Variants in NFATC2 observed in about 807,000 individuals in gnomAD.
NFATC2 encodes the protein nuclear factor of activated T cells 2, also known as nuclear factor of activated T-cells, cytoplasmic 2.
Under a neutral mutation model 87.3 loss-of-function variants are expected in NFATC2, and 22 were observed. That is an observed-to-expected ratio of 0.25 (90% CI 0.18 to 0.36). The LOEUF is 0.36. Among genes scored for constraint, NFATC2 ranks in the 10% least tolerant of loss-of-function variants. The pLI, the probability that NFATC2 is intolerant of heterozygous loss-of-function variation, is 1.00. For synonymous variants in NFATC2, 565 were observed against 542.2 expected (o/e 1.04, Z -0.58); for missense variants, 1,149 against 1,259.1 (o/e 0.91, Z 1.32).
rs145260855 is a variant in NFATC2, at chr20:51,530,331, T to C, written c.131-6221A>G. On this transcript the variant is annotated intron_variant, in intron 1 of 10. Coordinates refer to ENST00000371564, the MANE Select transcript of NFATC2 (RefSeq NM_012340.5). ...ACAGGTGACCACTACCATGCCCGGC[T>C]AATTTTTTTGTGTTTTCAGTAGAGA... 2.6e-5 allele frequency among the ~76,000 whole-genome samples: 4 copies of C among 152,174 alleles called. No individual in the cohort carries two copies. The East Asian group carries it at 7.7e-4, about 29-fold the overall frequency.
intron 3 of NFATC2, among the ~76,000 whole-genome samples, chr20:51,497,874 G>A (rs1343048671): frequency 6.6e-6 from 1 of 152,092 alleles, no homozygotes; most frequent in Non-Finnish European, 1.5e-5. Context: ...TTAGATACAC[G>A]CAAAGCTGCA....
intron 1 of NFATC2, among the ~76,000 whole-genome samples, chr20:51,537,448 C>A (rs956234534): frequency 6.6e-6 from 1 of 152,126 alleles, no homozygotes; most frequent in East Asian, 1.9e-4. Context: ...TCAGAAGGAA[C>A]CAGTTTTCCT....
At chr20:51,542,318 G>A (rs1373966318) in intron 1 of NFATC2, 52 bp downstream of exon 1, 2 of 1,575,808 alleles carry the variant, frequency 1.3e-6, no homozygotes, top group African/African-American at 1.4e-5. Flanking sequence ...CAGTCCCCAG[G>A]CCTGAGCCCC....
chr20:51,526,517 C>T (rs1385006019), intron 1 of NFATC2, among the ~76,000 whole-genome samples: 1 of 152,176 alleles, frequency 6.6e-6, no homozygotes, highest in African/African-American at 2.4e-5. Flanking sequence ...CAAGCACCTA[C>T]CACAGGGCCT....
intron 6 of NFATC2, among the ~76,000 whole-genome samples, chr20:51,441,042 G>A (rs950777997): frequency 6.6e-6 from 1 of 152,156 alleles, no homozygotes; most frequent in South Asian, 2.1e-4. Flanking sequence ...CAGCACTTTG[G>A]GAGGCCGAGG....
At chr20:51,454,776 C>A in intron 5 of NFATC2, 88 bp from the exon 6 acceptor site, 3 of 1,430,536 alleles carry the variant, frequency 2.1e-6, no homozygotes, top group Admixed American at 1.9e-5. Context: ...TGAGATATGA[C>A]ATGCTCTGCC....
rs1237864788 is a variant in NFATC2, at chr20:51,475,636, G to A, written c.1357C>T (p.Pro453Ser). Reference protein sequence around the residue: ...VQLHGYMENKPLGLQIFIGTA... With the variant: ...VQLHGYMENKSLGLQIFIGTA... The stretch of plus-strand genomic sequence containing the variant: ...CCAATGAAGATCTGAAGTCCCAGAG[G>A]CTTGTTTTCCATGTAGCCATGGAGC... The change falls in exon 4 of 11, where the codon CCT (proline) becomes TCT (serine). Residue 453 changes from proline to serine, a missense_variant. Around this residue, in one of 3 missense-constraint regions of NFATC2, gnomAD observed 581 missense variants for 649.7 expected, o/e 0.89. Transcript: ENST00000371564. 6.2e-7 allele frequency: 1 copy of A among 1,613,986 alleles called. No individual in the cohort carries two copies.
chr20:51,474,746 GT>G (rs1172464100), intron 4 of NFATC2, among the ~76,000 whole-genome samples: 2 of 152,112 alleles, frequency 1.3e-5, no homozygotes, highest in South Asian at 2.1e-4. Context: ...CCATCCAAAG[GT>G]TTTTTTAACC....
intron 1 of NFATC2, among the ~76,000 whole-genome samples, chr20:51,540,647 G>GTTTTTTTTTTTTTT (rs375172598): frequency 0.011 from 1,213 of 112,830 alleles, 292 homozygotes; most frequent in African/African-American, 0.048. Flanking sequence ...AAAAACTGAA[G>GTTTTTTTTTTTTTT]TTTTTTTTTT....
chr20:51,504,715 C>A (rs1012707461), intron 3 of NFATC2, among the ~76,000 whole-genome samples: 1 of 152,152 alleles, frequency 6.6e-6, no homozygotes, highest in Non-Finnish European at 1.5e-5. Flanking sequence ...TCCTGTGTAA[C>A]CTTAGACAAG....
intron 1 of NFATC2, among the ~76,000 whole-genome samples, chr20:51,531,571 G>A (rs1015412201): frequency 6.6e-6 from 1 of 152,138 alleles, no homozygotes; most frequent in Non-Finnish European, 1.5e-5. Flanking sequence ...GTCAACAGAG[G>A]GTAGCACGGG....
At position 51,432,481 on chromosome 20, in the gene NFATC2, G is replaced by C. The variant is rs1281446448; in HGVS notation, c.2308C>G (p.Leu770Val). Residue 770 changes from leucine to valine, a missense_variant, in exon 9 of 11, where the codon CTC becomes GTC. Physicochemically the swap from Leu to Val is conservative, Grantham distance 32. Coordinates refer to ENST00000371564, the MANE Select transcript of NFATC2 (RefSeq NM_012340.5). This position sits in a 1 kb window ranked among gnomAD's most constrained non-coding sequence, Gnocchi z 4.6. ...PSLLGYQQPA[L>V]MAAPLSLADA... is the part of the protein sequence containing the mutation. ...GCAAGGGACAGCGGGGCGGCCATGA[G>C]GGCCGGCTGCTGATAGCCCAGCAGG... The C allele has an allele frequency of 6.4e-7, 1 of 1,554,004 alleles. No individual in the cohort carries two copies. The highest frequency in any genetic ancestry group is 1.9e-5 in the Admixed American group (1 of 52,704).
At chr20:51,543,555 G>A (rs188504432), upstream of NFATC2, among the ~76,000 whole-genome samples, 593 of 152,300 alleles carry the variant, frequency 3.9e-3, 5 homozygotes, top group African/African-American at 0.014. Flanking sequence ...AGCTCGAAGG[G>A]GCTGGGTGTG....
chr20:51,495,926 G>A (rs897194496), intron 3 of NFATC2, among the ~76,000 whole-genome samples: 3 of 152,206 alleles, frequency 2.0e-5, no homozygotes, highest in African/African-American at 7.2e-5. Context: ...GGAAGGTAAG[G>A]CCAGCTTTAC....
intron 3 of NFATC2, among the ~76,000 whole-genome samples, chr20:51,515,565 G>A (rs1315499974): frequency 2.0e-5 from 3 of 152,080 alleles, no homozygotes; most frequent in Non-Finnish European, 2.9e-5. Flanking sequence ...ATATCATCAC[G>A]ATGTCAGAAT....
At chr20:51,476,525 C>A (rs190661855) in intron 3 of NFATC2, among the ~76,000 whole-genome samples, 1 of 152,244 alleles carries the variant, frequency 6.6e-6, no homozygotes, top group African/African-American at 2.4e-5. Flanking sequence ...ATGGCTTTCC[C>A]TATCTCTCTC....
At chr20:51,485,532 AT>A (rs35854188) in intron 3 of NFATC2, among the ~76,000 whole-genome samples, 401 of 148,316 alleles carry the variant, frequency 2.7e-3, no homozygotes, top group African/African-American at 8.4e-3. Flanking sequence ...TTTCTTGTTG[AT>A]TTTTTTTTTT....
At chr20:51,437,957 T>G (rs950328684) in intron 6 of NFATC2, among the ~76,000 whole-genome samples, 72 of 152,316 alleles carry the variant, frequency 4.7e-4, no homozygotes, top group Non-Finnish European at 8.8e-5. Flanking sequence ...GCCCCCTTGA[T>G]GAGGGCAGAA....
Position 51,390,420 on chromosome 20 carries a change from T to G in NFATC2, c.*1076A>C, listed in dbSNP as rs1986191874. 6.6e-6 allele frequency: 1 copy of G among 152,242 alleles called. No homozygotes were observed. The highest frequency in any genetic ancestry group is 1.5e-5 in the Non-Finnish European group (1 of 68,042). 9.4% of individuals were successfully genotyped at this position (152,242 alleles called of 1,614,324 possible). ...CCCACACTTCTTTTCTTGGTTGCTT[T>G]AGCCCTTCTGCTATTCCTCAATTAA... On this transcript the variant is annotated 3_prime_UTR_variant, in exon 11 of 11. Coordinates refer to ENST00000371564, the MANE Select transcript of NFATC2 (RefSeq NM_012340.5).
Sources: gnomAD v4.1 joint callset for allele counts (sites outside exome capture counted in the v4.1 genomes callset) on GRCh38, gnomAD v4.1.1 for gene constraint, gnomAD v4.1.1 regional missense constraint, Gnocchi (gnomAD v3.1) non-coding constraint, MANE v1.5 for transcripts, NCBI Gene and HGNC (gene_info 2026-07-23, HGNC 2026-07-21) for gene names.